The following TTYH2 variants were observed in gnomAD, a reference collection of about 807,000 sequenced individuals.
The protein encoded by TTYH2 is tweety family member 2, also known as protein tweety homolog 2.
A neutral mutation model predicts 68.3 loss-of-function variants in TTYH2; 49 were observed. That is an observed-to-expected ratio of 0.72 (90% CI 0.57 to 0.91). The LOEUF is 0.91. Among genes scored for constraint, TTYH2 ranks in the 40% least tolerant of loss-of-function variants. The pLI is 0.00. For missense variants in TTYH2, 631 were observed against 700.4 expected, an observed-to-expected ratio of 0.90 and a Z score of 1.12; for synonymous variants, 272 against 300.8, an observed-to-expected ratio of 0.90 and a Z score of 0.99.
intron 5 of TTYH2, 131 bp downstream of exon 5, chr17:74,243,600 G>A (rs1227642462): frequency 1.9e-5 from 17 of 886,632 alleles, no homozygotes; most frequent in Admixed American, 4.1e-5. Flanking sequence ...CTTCTGCCCC[G>A]TCCTCAGCAC....
At chr17:74,226,578 ACAG>A (rs1243849063) in intron 2 of TTYH2, among the ~76,000 whole-genome samples, 1 of 152,164 alleles carries the variant, frequency 6.6e-6, no homozygotes, top group African/African-American at 2.4e-5. Flanking sequence ...GAGAGTCGGG[ACAG>A]CAGCAGGAGA....
At chr17:74,260,038 C>T in intron 13 of TTYH2, 91 bp from the exon 14 acceptor site, 1 of 1,173,428 alleles carries the variant, frequency 8.5e-7, no homozygotes, top group Non-Finnish European at 1.3e-6. Flanking sequence ...GACACCCGAC[C>T]CAGTTCCACT....
At chr17:74,230,377 G>A (rs1230399811) in intron 2 of TTYH2, among the ~76,000 whole-genome samples, 2 of 152,024 alleles carry the variant, frequency 1.3e-5, no homozygotes, top group Non-Finnish European at 1.5e-5. Flanking sequence ...TCACAGGCGT[G>A]AGCCACCACA....
rs1301101798 is a variant in TTYH2, at chr17:74,215,380, C to T, written c.129+1664C>T. 6.6e-6 allele frequency among the ~76,000 whole-genome samples: 1 copy of T among 152,158 alleles called. No homozygotes were observed. Among genetic ancestry groups the T allele is most frequent in the Non-Finnish European group, 1.5e-5 (1 of 68,022 alleles). Reference sequence around the variant, plus strand: ...GGCCCCAGAGACAGTTCCTATCAGCCCAACAGCTGTGGCTGGTGGATCCTG... The same window carrying T: ...GGCCCCAGAGACAGTTCCTATCAGCTCAACAGCTGTGGCTGGTGGATCCTG... On this transcript the variant is annotated intron_variant, in intron 1 of 13. Coordinates refer to ENST00000269346, the MANE Select transcript of TTYH2 (RefSeq NM_032646.6). The surrounding 1 kb of genome is among the most constrained non-coding windows in gnomAD (Gnocchi z 4.3).
chr17:74,243,883 A>G, intron 5 of TTYH2, 94 bp from the exon 6 acceptor site: 1 of 1,178,066 alleles, frequency 8.5e-7, no homozygotes, highest in South Asian at 1.4e-5. Flanking sequence ...CTGCCTTTGG[A>G]TCCATTGCAA....
chr17:74,244,860 G>A (rs2050539916), intron 6 of TTYH2, among the ~76,000 whole-genome samples: 1 of 55,164 alleles, frequency 1.8e-5, no homozygotes, highest in Non-Finnish European at 3.9e-5. Context: ...GGTGCAGTGT[G>A]TGTGTGTGTG....
rs372449554 is a variant in TTYH2, at chr17:74,237,286, C to T, written c.415-8C>T. 1 of 1,613,658 alleles carries T rather than the reference C, an allele frequency of 6.2e-7. No homozygotes were observed. The highest frequency in any genetic ancestry group is 8.5e-7 in the Non-Finnish European group (1 of 1,179,698). On this transcript the variant is annotated splice_polypyrimidine_tract_variant and splice_region_variant and intron_variant, in intron 3 of 13. Transcript: ENST00000269346. ...CCTCCATGGCTTTTGCCCCCTGCTC[C>T]TCCCTAGGTTTCCGGAACTACCCAG... is the stretch of plus-strand genomic sequence containing the variant.
intron 6 of TTYH2, among the ~76,000 whole-genome samples, chr17:74,247,478 G>A (rs961426077): frequency 2.6e-4 from 39 of 152,222 alleles, no homozygotes; most frequent in African/African-American, 8.9e-4. Context: ...GGAGGCTCCA[G>A]GGTGGCCAAG....
In TTYH2 at chr17:74,217,544, G is replaced by GCCC. The variant is rs953261590; in HGVS notation, c.129+3830_129+3832dup. Among the ~76,000 whole-genome samples the GCCC allele has an allele frequency of 6.6e-6, 1 of 152,172 alleles. No individual in the cohort carries two copies. Among genetic ancestry groups the GCCC allele is most frequent in the African/African-American group, 2.4e-5 (1 of 41,432 alleles). ...GAAGAGCTGAGGTTGGGATGAGGAA[G>GCCC]CCCCATTCATCCAGTGTGAAATTGA... On this transcript the variant is annotated intron_variant, in intron 1 of 13. Coordinates refer to ENST00000269346, the MANE Select transcript of TTYH2 (RefSeq NM_032646.6). The surrounding 1 kb of genome is among the most constrained non-coding windows in gnomAD (Gnocchi z 4.0).
intron 6 of TTYH2, chr17:74,248,368 C>T: frequency 1.0e-6 from 1 of 986,752 alleles, no homozygotes; most frequent in Non-Finnish European, 1.2e-6. Context: ...TTAGCAATCA[C>T]TTAGCCAGGC....
intron 2 of TTYH2, among the ~76,000 whole-genome samples, chr17:74,228,921 T>A (rs772799295): frequency 6.6e-6 from 1 of 152,188 alleles, no homozygotes; most frequent in Non-Finnish European, 1.5e-5. Context: ...GAAGGACACC[T>A]GCCCACTTGG....
rs887220460 is a variant in TTYH2 at position 74,214,993 on chromosome 17, G to A, written c.129+1277G>A. 9.2e-5 allele frequency among the ~76,000 whole-genome samples: 14 copies of A among 152,128 alleles called. No individual in the cohort carries two copies. The highest frequency in any genetic ancestry group is 1.6e-4 in the Non-Finnish European group (11 of 68,026). ...GAGGGGAGCATCAGGACCCCTTCCT[G>A]GGGTTCAGTGGGCACTCAGGAGCAA... On this transcript the variant is annotated intron_variant, in intron 1 of 13. Coordinates refer to ENST00000269346, the MANE Select transcript of TTYH2 (RefSeq NM_032646.6). The surrounding 1 kb of genome is among the most constrained non-coding windows in gnomAD (Gnocchi z 4.6).
At chr17:74,244,133 G>A (rs1453735385) in intron 6 of TTYH2, 84 bp downstream of exon 6, 48 of 1,326,484 alleles carry the variant, frequency 3.6e-5, no homozygotes, top group African/African-American at 1.0e-4. Flanking sequence ...GCCAGCTTCC[G>A]GTCCCAGCTC....
intron 2 of TTYH2, among the ~76,000 whole-genome samples, chr17:74,224,454 T>C (rs2143724615): frequency 6.6e-6 from 1 of 152,244 alleles, no homozygotes; most frequent in Middle Eastern, 3.4e-3. Context: ...CAAACTTGTT[T>C]TGGAAGAATA....
intron 3 of TTYH2, among the ~76,000 whole-genome samples, chr17:74,236,312 C>T (rs2050442578): frequency 1.3e-5 from 2 of 152,344 alleles, no homozygotes; most frequent in South Asian, 4.1e-4. Flanking sequence ...CGGTGTGCTG[C>T]GGCTAGTGCC....
chr17:74,250,999 C>T (rs942479013), intron 10 of TTYH2, among the ~76,000 whole-genome samples: 1 of 152,106 alleles, frequency 6.6e-6, no homozygotes, highest in Admixed American at 6.6e-5. Flanking sequence ...CTTGCTTGTG[C>T]GTGTGTATGG....
rs375427011 is a variant in TTYH2, at chr17:74,249,955, G to A, written c.950G>A (p.Arg317His). 1.3e-5 allele frequency: 21 copies of A among 1,613,926 alleles called. No individual in the cohort carries two copies. The highest frequency in any genetic ancestry group is 1.7e-5 in the Non-Finnish European group (20 of 1,179,996). The change falls in exon 9 of 14, where the codon CGC becomes CAC. Residue 317 changes from arginine (R) to histidine (H), a missense_variant. Transcript: ENST00000269346. The stretch of plus-strand genomic sequence containing the variant: ...GCTCAGACCCTGACCACCTTCCAGC[G>A]CGCACTTACCACCATGCAGATCCAG... ...PFQQTLTTFQ[R>H]ALTTMQIQVA...
In TTYH2 at chr17:74,253,186, C is replaced by G. The variant is rs762747092; in HGVS notation, c.1365C>G (p.Ser455Arg). 6.2e-7 allele frequency: 1 copy of G among 1,613,902 alleles called. No individual in the cohort carries two copies. Among genetic ancestry groups the G allele is most frequent in the Non-Finnish European group, 8.5e-7 (1 of 1,179,992 alleles). The change falls in exon 12 of 14, where the codon AGC becomes AGG. Residue 455 changes from serine (S) to arginine (R), a missense_variant. Coordinates refer to ENST00000269346, the MANE Select transcript of TTYH2 (RefSeq NM_032646.6). ...GGGGACAGCTTCACAGCTTCTGCAG[C>G]TACAGCAGTGGCCTGGGAAGTCAGA... ...PPRGQLHSFCSYSSGLGSQTS... is the reference protein window; with the variant it reads ...PPRGQLHSFCRYSSGLGSQTS...
intron 6 of TTYH2, chr17:74,248,251 C>A: frequency 2.0e-6 from 2 of 985,308 alleles, no homozygotes; most frequent in Non-Finnish European, 2.4e-6. Context: ...TTTATCCAGT[C>A]CCTAGAGCAC....
Sources: gnomAD v4.1 joint callset for allele counts (sites outside exome capture counted in the v4.1 genomes callset) on GRCh38, gnomAD v4.1.1 for gene constraint, Gnocchi (gnomAD v3.1) non-coding constraint, MANE v1.5 for transcripts, NCBI Gene and HGNC (gene_info 2026-07-23, HGNC 2026-07-21) for gene names.